The following CYYR1 variants were observed in gnomAD, a reference collection of about 807,000 sequenced individuals.
The protein encoded by CYYR1 is cysteine and tyrosine rich 1, also known as cysteine and tyrosine-rich protein 1.
A neutral mutation model predicts 15.2 loss-of-function variants in CYYR1; 14 were observed. The ratio of observed to expected loss-of-function variants is 0.92; its 90% CI spans 0.61 to 1.44. The LOEUF is 1.44. Among genes scored for constraint, CYYR1 ranks in the 40% most tolerant of loss-of-function variants. The probability of loss-of-function intolerance (pLI) is 0.00; values close to 1 mark genes in which losing one functional copy is unlikely to be tolerated. For synonymous variants in CYYR1, 80 were observed against 77.4 expected (o/e 1.03, Z -0.18); for missense variants, 228 against 209.5 (o/e 1.09, Z -0.54).
chr21:26,520,671 G>A (rs767473295), intron 2 of CYYR1, among the ~76,000 whole-genome samples: 2 of 152,172 alleles, frequency 1.3e-5, no homozygotes, highest in Admixed American at 6.5e-5. Flanking sequence ...TTCCACAATG[G>A]TTGAACGAAT....
intron 2 of CYYR1, among the ~76,000 whole-genome samples, chr21:26,500,016 C>T (rs922263284): frequency 1.4e-4 from 21 of 152,012 alleles, no homozygotes; most frequent in African/African-American, 4.8e-4. Context: ...TCTCATAGTT[C>T]TGGAGGCTGG....
At chr21:26,510,732 G>C (rs1317204904) in intron 2 of CYYR1, among the ~76,000 whole-genome samples, 1 of 152,088 alleles carries the variant, frequency 6.6e-6, no homozygotes, top group African/African-American at 2.4e-5. Flanking sequence ...AAGTACATTT[G>C]TTGTCAGACT....
At chr21:26,509,842 C>T in intron 2 of CYYR1, among the ~76,000 whole-genome samples, 1 of 152,144 alleles carries the variant, frequency 6.6e-6, no homozygotes, top group East Asian at 1.9e-4. Flanking sequence ...ATGATCTCAC[C>T]CAACTGGGGG....
intron 2 of CYYR1, among the ~76,000 whole-genome samples, chr21:26,550,132 CTA>C (rs1979279163): frequency 6.6e-6 from 1 of 152,102 alleles, no homozygotes. Context: ...CTGTTTTTCA[CTA>C]TATCTTTTTC....
At chr21:26,563,581 T>A (rs1393213193) in intron 2 of CYYR1, among the ~76,000 whole-genome samples, 1 of 150,876 alleles carries the variant, frequency 6.6e-6, no homozygotes, top group Non-Finnish European at 1.5e-5. Context: ...CAAAAATAAA[T>A]AAATAAATAC....
At chr21:26,477,549 G>C (rs1240941831) in intron 3 of CYYR1, 1 of 308,678 alleles carries the variant, frequency 3.2e-6, no homozygotes, top group Admixed American at 6.5e-5. Context: ...TCAAACCCAA[G>C]AAAACATGTG....
chr21:26,537,472 C>A (rs1978314988), intron 2 of CYYR1, among the ~76,000 whole-genome samples: 1 of 152,136 alleles, frequency 6.6e-6, no homozygotes, highest in African/African-American at 2.4e-5. Flanking sequence ...GTTTTATGTC[C>A]ACCTTGGCTA....
At chr21:26,494,601 A>G (rs1042326441) in intron 2 of CYYR1, among the ~76,000 whole-genome samples, 2 of 152,140 alleles carry the variant, frequency 1.3e-5, no homozygotes, top group South Asian at 2.1e-4. Flanking sequence ...CTACACCAAG[A>G]CGCAGTAGTT....
At chr21:26,470,689 C>T (rs1365698961) in intron 3 of CYYR1, 2 of 152,196 alleles carry the variant, frequency 1.3e-5, no homozygotes, top group African/African-American at 4.8e-5. Flanking sequence ...TACCCAGACT[C>T]GGGTATGTCT....
intron 2 of CYYR1, among the ~76,000 whole-genome samples, chr21:26,561,314 T>G (rs1401918735): frequency 1.1e-5 from 1 of 87,434 alleles, no homozygotes; most frequent in South Asian, 3.8e-4. Context: ...ATTTAAATGG[T>G]TTTTTTTTTT....
At position 26,468,564 on chromosome 21, in the gene CYYR1, G is replaced by T. The variant is rs763315936; in HGVS notation, c.405C>A (p.Pro135=). ...AACGCTGTGCTGGACCCTGTGGGGTGGGGGAGTATGGAGGAGGCAAGTCTG... is the reference window on the plus strand; with the variant it reads ...AACGCTGTGCTGGACCCTGTGGGGTTGGGGAGTATGGAGGAGGCAAGTCTG... ...YCADLPPPYS[P]TPQGPAQRSP... is the part of the protein sequence containing the mutation. Residue 135 remains proline, a synonymous_variant, in exon 4 of 4, where the codon CCC becomes CCA. Transcript: ENST00000652641. 6.2e-7 allele frequency: 1 copy of T among 1,613,520 alleles called. No homozygotes were observed. The highest frequency in any genetic ancestry group is 1.7e-5 in the Admixed American group (1 of 59,990).
intron 2 of CYYR1, among the ~76,000 whole-genome samples, chr21:26,557,285 A>G (rs1979859656): frequency 6.6e-6 from 1 of 152,202 alleles, no homozygotes; most frequent in Non-Finnish European, 1.5e-5. Flanking sequence ...ATGTCTATCT[A>G]ATTAAGGCAG....
chr21:26,469,091 A>G (rs1488751829), intron 3 of CYYR1, among the ~76,000 whole-genome samples: 1 of 152,036 alleles, frequency 6.6e-6, no homozygotes, highest in East Asian at 1.9e-4. Context: ...CTTTGAGAAA[A>G]CCACTCTCAG....
intron 3 of CYYR1, among the ~76,000 whole-genome samples, chr21:26,473,197 A>C (rs1260073271): frequency 1.3e-5 from 2 of 152,068 alleles, no homozygotes; most frequent in Non-Finnish European, 2.9e-5. Flanking sequence ...CTCATGCCTT[A>C]TATTTAAAGA....
chr21:26,505,693 A>G (rs1049688157), intron 2 of CYYR1, among the ~76,000 whole-genome samples: 7 of 152,230 alleles, frequency 4.6e-5, no homozygotes, highest in Admixed American at 2.6e-4. Flanking sequence ...GGGCAGTGGC[A>G]AAGCCACCTA....
chr21:26,487,925 A>C (rs2065272581), intron 2 of CYYR1, among the ~76,000 whole-genome samples: 1 of 151,634 alleles, frequency 6.6e-6, no homozygotes, highest in Non-Finnish European at 1.5e-5. Context: ...GCAAAAAAAA[A>C]AAAAAATCTG....
intron 2 of CYYR1, among the ~76,000 whole-genome samples, chr21:26,559,122 T>C (rs1186455469): frequency 6.6e-6 from 1 of 152,204 alleles, no homozygotes; most frequent in Non-Finnish European, 1.5e-5. Context: ...CCCACATTGC[T>C]TGGCACTATC....
intron 2 of CYYR1, among the ~76,000 whole-genome samples, chr21:26,503,938 G>T (rs1225171782): frequency 6.6e-6 from 1 of 151,984 alleles, no homozygotes; most frequent in Non-Finnish European, 1.5e-5. Flanking sequence ...TATTCAAAAA[G>T]GCTTTACGTA....
At chr21:26,563,141 G>A (rs1980356636) in intron 2 of CYYR1, among the ~76,000 whole-genome samples, 2 of 151,992 alleles carry the variant, frequency 1.3e-5, no homozygotes, top group South Asian at 4.1e-4. Context: ...AAGTAGACAG[G>A]CCATCTTTTA....
Sources: gnomAD v4.1 joint callset for allele counts (sites outside exome capture counted in the v4.1 genomes callset) on GRCh38, gnomAD v4.1.1 for gene constraint, MANE v1.5 for transcripts, NCBI Gene and HGNC (gene_info 2026-07-23, HGNC 2026-07-21) for gene names.